The following GRID1 variants were observed in gnomAD, a reference collection of about 807,000 sequenced individuals.
GRID1 encodes glutamate ionotropic receptor delta type subunit 1.
Under a neutral mutation model 98.0 loss-of-function variants are expected in GRID1, and 28 were observed. The observed-to-expected ratio is 0.29, with a 90% CI of 0.21 to 0.39. The LOEUF (loss-of-function observed/expected upper bound fraction) is 0.39. Among genes scored for constraint, GRID1 ranks in the 10% least tolerant of loss-of-function variants. The pLI is 1.00. For missense variants in GRID1, 1,111 were observed against 1,340.5 expected (o/e 0.83, Z 2.67); for synonymous variants, 553 against 538.5 (o/e 1.03, Z -0.37).
intron 2 of GRID1, among the ~76,000 whole-genome samples, chr10:86,261,733 C>T (rs1184414431): frequency 6.6e-6 from 1 of 152,052 alleles, no homozygotes; most frequent in Non-Finnish European, 1.5e-5. Flanking sequence ...AACCCCAGGT[C>T]ACCCACTCTC....
At chr10:86,340,378 C>T (rs992924687) in intron 2 of GRID1, among the ~76,000 whole-genome samples, 4 of 152,208 alleles carry the variant, frequency 2.6e-5, no homozygotes, top group South Asian at 4.1e-4. Context: ...AGGCCTAATG[C>T]AGAAAACGTG....
intron 2 of GRID1, among the ~76,000 whole-genome samples, chr10:86,286,076 G>A (rs1289483273): frequency 2.0e-5 from 3 of 152,170 alleles, no homozygotes; most frequent in Non-Finnish European, 2.9e-5. Flanking sequence ...ATAGGGATAC[G>A]TTAGATGTAG....
chr10:85,729,727 C>T, intron 8 of GRID1, 113 bp from the exon 9 acceptor site: 2 of 619,110 alleles, frequency 3.2e-6, no homozygotes, highest in East Asian at 2.7e-5. Context: ...ACAGTAGTCC[C>T]CTGGAGTTCC....
At chr10:85,708,871 G>A (rs1841552786) in intron 12 of GRID1, 1 of 162,498 alleles carries the variant, frequency 6.2e-6, no homozygotes, top group African/African-American at 2.4e-5. Context: ...AGATTACAGG[G>A]AGGAAAATTG....
chr10:86,056,457 C>A (rs73344029), intron 4 of GRID1, among the ~76,000 whole-genome samples: 5,904 of 152,258 alleles, frequency 0.039, 391 homozygotes, highest in African/African-American at 0.13. Flanking sequence ...TCATTTCCAA[C>A]CCGTGTCCCA....
At chr10:85,679,207 C>T (rs1841179542) in intron 12 of GRID1, among the ~76,000 whole-genome samples, 1 of 152,194 alleles carries the variant, frequency 6.6e-6, no homozygotes, top group South Asian at 2.1e-4. Context: ...AATACCTACT[C>T]ATTGGAATAG....
chr10:85,996,020 G>A (rs531211593), intron 4 of GRID1, among the ~76,000 whole-genome samples: 71 of 152,328 alleles, frequency 4.7e-4, no homozygotes, highest in African/African-American at 1.7e-3. Context: ...GAAGAGCACG[G>A]CAAATGCTTT....
chr10:85,659,910 A>T (rs897577321), intron 12 of GRID1, among the ~76,000 whole-genome samples: 1 of 152,220 alleles, frequency 6.6e-6, no homozygotes, highest in African/African-American at 2.4e-5. Context: ...GCCAGAGCCA[A>T]GTTGAGCTTG....
intron 2 of GRID1, among the ~76,000 whole-genome samples, chr10:86,335,463 T>G (rs905228964): frequency 2.0e-5 from 3 of 152,226 alleles, no homozygotes; most frequent in Admixed American, 6.5e-5. Flanking sequence ...AATATGCTGA[T>G]GTATGTGGTG....
At chr10:86,115,320 A>G (rs1050155208) in intron 4 of GRID1, among the ~76,000 whole-genome samples, 2 of 152,214 alleles carry the variant, frequency 1.3e-5, no homozygotes, top group Non-Finnish European at 2.9e-5. Context: ...ACAACTACTT[A>G]TATTTGGATT....
intron 4 of GRID1, among the ~76,000 whole-genome samples, chr10:86,009,817 G>A (rs144073521): frequency 1.8e-4 from 28 of 152,230 alleles, no homozygotes; most frequent in East Asian, 3.9e-4. Context: ...ATCAGACACC[G>A]GAATGGAGAA....
At chr10:86,364,447 G>A (rs1446730675) in intron 1 of GRID1, among the ~76,000 whole-genome samples, 4 of 152,220 alleles carry the variant, frequency 2.6e-5, no homozygotes, top group Non-Finnish European at 5.9e-5. Context: ...GCCCCAGGCA[G>A]CGCCCAAATG....
At chr10:86,117,134 TACCACCATC>T (rs1844595282) in intron 4 of GRID1, among the ~76,000 whole-genome samples, 5 of 144,878 alleles carry the variant, frequency 3.5e-5, no homozygotes, top group Admixed American at 2.7e-4. Context: ...TCAGCAATAC[TACCACCATC>T]ACCACCAACA....
At chr10:85,657,636 T>C (rs1362564371) in intron 12 of GRID1, among the ~76,000 whole-genome samples, 2 of 152,102 alleles carry the variant, frequency 1.3e-5, no homozygotes, top group Non-Finnish European at 1.5e-5. Flanking sequence ...GGCCTAGTAA[T>C]AGTTTGAGGT....
intron 4 of GRID1, among the ~76,000 whole-genome samples, chr10:85,991,252 T>A (rs1223062288): frequency 6.6e-6 from 1 of 152,036 alleles, no homozygotes; most frequent in African/African-American, 2.4e-5. Flanking sequence ...TGTGGATGAT[T>A]TCTATTTTGG....
chr10:86,357,764 A>G (rs895880926), intron 2 of GRID1, among the ~76,000 whole-genome samples: 7 of 152,178 alleles, frequency 4.6e-5, no homozygotes, highest in African/African-American at 1.4e-4. Context: ...TGGGGAATCC[A>G]GAGAGGGGAC....
At chr10:86,284,110 G>A (rs1366203608) in intron 2 of GRID1, among the ~76,000 whole-genome samples, 3 of 113,212 alleles carry the variant, frequency 2.6e-5, no homozygotes, top group South Asian at 6.2e-4. Flanking sequence ...GCCCTCATAC[G>A]CCTGCATATA....
chr10:86,364,043 C>G lies in GRID1; in HGVS notation c.133G>C (p.Val45Leu). ...AKDDRVFQLA[V>L]SDLSLNDDIL... The stretch of plus-strand genomic sequence containing the variant: ...TCATCGTTGAGGCTCAGGTCGGATA[C>G]CGCCAACTGGAACACCCTGTCGTCC... Residue 45 changes from valine (V) to leucine (L), a missense_variant, in exon 2 of 16, where the codon GTA becomes CTA. By Grantham distance (32) the Val-to-Leu change is conservative. Around this residue, in one of 3 missense-constraint regions of GRID1, gnomAD observed 346 missense variants for 452.3 expected, o/e 0.76. Transcript: ENST00000327946. The G allele has an allele frequency of 6.2e-7, 1 of 1,613,842 alleles. No individual in the cohort carries two copies. The highest frequency in any genetic ancestry group is 8.5e-7 in the Non-Finnish European group (1 of 1,179,736).
At chr10:85,979,593 A>C (rs1016871128) in intron 4 of GRID1, among the ~76,000 whole-genome samples, 5 of 152,152 alleles carry the variant, frequency 3.3e-5, no homozygotes, top group Admixed American at 1.3e-4. Context: ...TCTCCTTTTC[A>C]TAAGGAAATA....
Sources: allele counts gnomAD v4.1 joint callset (sites outside exome capture counted in the v4.1 genomes callset), GRCh38; gene constraint gnomAD v4.1.1; regional missense constraint gnomAD v4.1.1; transcripts MANE v1.5; gene names NCBI Gene and HGNC (gene_info 2026-07-23, HGNC 2026-07-21).